BAZ2B: variants seen among roughly 807,000 people sequenced by gnomAD.
The protein encoded by BAZ2B is bromodomain adjacent to zinc finger domain protein 2B.
Under a neutral mutation model 246.0 loss-of-function variants are expected in BAZ2B, and 91 were observed. That is an observed-to-expected ratio of 0.37 (90% CI 0.31 to 0.44). The LOEUF (loss-of-function observed/expected upper bound fraction) is 0.44. BAZ2B is among the 20% of genes least tolerant of loss of function. The pLI, the probability that BAZ2B is intolerant of heterozygous loss-of-function variation, is 1.00. For synonymous variants in BAZ2B, 855 were observed against 860.0 expected (o/e 0.99, Z 0.10); for missense variants, 2,332 against 2,533.7 (o/e 0.92, Z 1.71).
intron 2 of BAZ2B, among the ~76,000 whole-genome samples, chr2:159,547,632 T>C (rs1045812277): frequency 6.6e-6 from 1 of 152,178 alleles, no homozygotes; most frequent in Non-Finnish European, 1.5e-5. Flanking sequence ...ATATTAAATT[T>C]CAAGTCACCT....
intron 31 of BAZ2B, among the ~76,000 whole-genome samples, chr2:159,343,826 A>C (rs945827584): frequency 6.6e-6 from 1 of 151,962 alleles, no homozygotes; most frequent in African/African-American, 2.4e-5. Context: ...GGAGATCAAG[A>C]CCATCCTGGC....
Position 159,404,919 on chromosome 2 carries a change from A to T in BAZ2B, c.2771-9T>A, listed in dbSNP as rs754729929. On this transcript the variant is annotated splice_polypyrimidine_tract_variant and intron_variant, in intron 15 of 36. Coordinates refer to ENST00000392783, the MANE Select transcript of BAZ2B (RefSeq NM_013450.4). The stretch of plus-strand genomic sequence containing the variant: ...CTCAGCAGCCATTATTGCTACAAGA[A>T]ACCAAAGGATAGATATCATCAAAAA... 9 of 1,613,682 alleles carry T rather than the reference A, an allele frequency of 5.6e-6. No homozygotes were observed. Among genetic ancestry groups the T allele is most frequent in the Non-Finnish European group, 7.6e-6 (9 of 1,179,926 alleles).
chr2:159,566,266 C>T (rs570845518), intron 1 of BAZ2B, among the ~76,000 whole-genome samples: 7 of 152,282 alleles, frequency 4.6e-5, no homozygotes, highest in Middle Eastern at 6.8e-3. Flanking sequence ...CCGCCTCAGC[C>T]TCCCAAAGTG....
chr2:159,503,100 G>A (rs2082005065), intron 2 of BAZ2B, among the ~76,000 whole-genome samples: 2 of 151,704 alleles, frequency 1.3e-5, no homozygotes, highest in Admixed American at 1.3e-4. Flanking sequence ...GAGTAATCCT[G>A]TTTTTTTTAA....
chr2:159,498,673 C>A (rs59201528), intron 2 of BAZ2B, among the ~76,000 whole-genome samples: 2,365 of 152,204 alleles, frequency 0.016, 62 homozygotes, highest in African/African-American at 0.049. Context: ...CATTAATAAT[C>A]TCCAAATATA....
In BAZ2B at chr2:159,412,457, T is replaced by C; in HGVS notation, c.2555A>G (p.Asp852Gly). 1 of 1,614,138 alleles carries C rather than the reference T, an allele frequency of 6.2e-7. No homozygotes were observed. The change falls in exon 14 of 37, where the codon GAT becomes GGT. Residue 852 changes from aspartate to glycine, a missense_variant. Asp to Gly is a moderately conservative substitution (Grantham distance 94, BLOSUM62 -1). Coordinates refer to ENST00000392783, the MANE Select transcript of BAZ2B (RefSeq NM_013450.4). ...GGATTCCTCTCTTGCTCGTTGTCTATCTGGATTTGGTGGTCTTCCTCTACG... is the reference window on the plus strand; with the variant it reads ...GGATTCCTCTCTTGCTCGTTGTCTACCTGGATTTGGTGGTCTTCCTCTACG... ...EGRRGRPPNPDRQRAREESRM... is the reference protein window; with the variant it reads ...EGRRGRPPNPGRQRAREESRM...
chr2:159,360,321 G>C (rs1353143829), intron 27 of BAZ2B, among the ~76,000 whole-genome samples: 2 of 152,150 alleles, frequency 1.3e-5, no homozygotes, highest in South Asian at 2.1e-4. Context: ...TAGACAAACA[G>C]AGAGCCAAAT....
Position 159,595,365 on chromosome 2 carries a change from G to A in BAZ2B, c.-46+20877C>T, listed in dbSNP as rs191208838. ...GATCTGCCCACCTCGGCCTCCCAAAGTGCTGGGATTACAGGCTAAACATAC... is the reference window on the plus strand; with the variant it reads ...GATCTGCCCACCTCGGCCTCCCAAAATGCTGGGATTACAGGCTAAACATAC... On this transcript the variant is annotated intron_variant, in intron 1 of 36. Transcript: ENST00000392783. Among the ~76,000 whole-genome samples the A allele has an allele frequency of 1.0e-3, 158 of 152,252 alleles. 1 individual carries two copies. The highest frequency in any genetic ancestry group is 4.4e-3 in the South Asian group (21 of 4,822).
At chr2:159,408,807 C>T (rs2066364950) in intron 14 of BAZ2B, among the ~76,000 whole-genome samples, 1 of 152,118 alleles carries the variant, frequency 6.6e-6, no homozygotes, top group Non-Finnish European at 1.5e-5. Context: ...GTAATCCCAG[C>T]TACTCAGGAG....
chr2:159,668,846 C>T, the BAZ2B span, among the ~76,000 whole-genome samples: 1 of 152,062 alleles, frequency 6.6e-6, no homozygotes, highest in African/African-American at 2.4e-5. Context: ...CACTTGAGAT[C>T]AGGAATTTGA....
At chr2:159,390,633 G>C (rs1386892321) in intron 20 of BAZ2B, among the ~76,000 whole-genome samples, 1 of 152,126 alleles carries the variant, frequency 6.6e-6, no homozygotes, top group African/African-American at 2.4e-5. Context: ...GAGAAAGAGA[G>C]GAGTGGAGAA....
At chr2:159,637,435 G>A in the BAZ2B span, among the ~76,000 whole-genome samples, 1 of 152,232 alleles carries the variant, frequency 6.6e-6, no homozygotes, top group Non-Finnish European at 1.5e-5. Flanking sequence ...GACTGTTGGT[G>A]GTGCTGGCCA....
At chr2:159,691,656 T>C in the BAZ2B span, among the ~76,000 whole-genome samples, 1 of 152,232 alleles carries the variant, frequency 6.6e-6, no homozygotes, top group Non-Finnish European at 1.5e-5. Flanking sequence ...ATGACTTCAC[T>C]GCTTCTTGGT....
At chr2:159,631,155 C>T in the BAZ2B span, among the ~76,000 whole-genome samples, 1 of 151,956 alleles carries the variant, frequency 6.6e-6, no homozygotes, top group African/African-American at 2.4e-5. Context: ...ATGATTGTGC[C>T]ACTGCATTCC....
At chr2:159,528,003 C>G (rs2084938389) in intron 2 of BAZ2B, among the ~76,000 whole-genome samples, 1 of 152,102 alleles carries the variant, frequency 6.6e-6, no homozygotes, top group African/African-American at 2.4e-5. Flanking sequence ...AAGTATAAAT[C>G]ATTTAACATT....
intron 2 of BAZ2B, among the ~76,000 whole-genome samples, chr2:159,540,142 C>T (rs899650917): frequency 6.6e-6 from 1 of 152,048 alleles, no homozygotes; most frequent in Non-Finnish European, 1.5e-5. Flanking sequence ...CCACAGTAAC[C>T]CCAATATCTA....
chr2:159,482,219 T>C (rs1178123759), intron 2 of BAZ2B, among the ~76,000 whole-genome samples: 1 of 150,768 alleles, frequency 6.6e-6, no homozygotes, highest in Non-Finnish European at 1.5e-5. Flanking sequence ...TATAAAAAAC[T>C]AAACCTTGAA....
chr2:159,698,221 G>A, the BAZ2B span, among the ~76,000 whole-genome samples: 1 of 151,924 alleles, frequency 6.6e-6, no homozygotes, highest in Non-Finnish European at 1.5e-5. Context: ...TCTCTACTTA[G>A]TATAAAAATA....
chr2:159,395,593 C>T (rs2063904491), intron 20 of BAZ2B, 176 bp downstream of exon 20: 2 of 481,792 alleles, frequency 4.2e-6, no homozygotes, highest in South Asian at 7.2e-5. Context: ...TGGAACTCTT[C>T]CTACATTCTT....
Sources: gnomAD v4.1 joint callset for allele counts (sites outside exome capture counted in the v4.1 genomes callset) on GRCh38, gnomAD v4.1.1 for gene constraint, MANE v1.5 for transcripts, NCBI Gene and HGNC (gene_info 2026-07-23, HGNC 2026-07-21) for gene names.